SLC5A12: variants seen among roughly 807,000 people sequenced by gnomAD.
SLC5A12 encodes sodium-coupled monocarboxylate transporter 2.
Under a neutral mutation model 72.7 loss-of-function variants are expected in SLC5A12, and 46 were observed. The ratio of observed to expected loss-of-function variants is 0.63; its 90% CI spans 0.50 to 0.81. The LOEUF (loss-of-function observed/expected upper bound fraction) is 0.81, where lower values mean the gene tolerates loss of function less well. Ranked by LOEUF, SLC5A12 falls within the 30% of genes least tolerant of loss-of-function variation. The pLI, the probability that SLC5A12 is intolerant of heterozygous loss-of-function variation, is 0.00. For missense variants in SLC5A12, 683 were observed against 740.7 expected, an observed-to-expected ratio of 0.92 and a Z score of 0.90; for synonymous variants, 275 against 264.4, an observed-to-expected ratio of 1.04 and a Z score of -0.39.
chr11:26,674,495 G>A (rs867959768), intron 13 of SLC5A12, among the ~76,000 whole-genome samples: 2 of 152,200 alleles, frequency 1.3e-5, no homozygotes, highest in South Asian at 2.1e-4. Flanking sequence ...CGTCTCCCGG[G>A]TTCAAGTGAT....
At chr11:26,681,030 A>C in intron 12 of SLC5A12, 25 bp downstream of exon 12, 1 of 1,559,446 alleles carries the variant, frequency 6.4e-7, no homozygotes, top group Non-Finnish European at 8.7e-7. Context: ...TCTGGGACTT[A>C]GCACCATCTA....
chr11:26,691,814 T>C (rs1156657870), intron 9 of SLC5A12: 1 of 152,222 alleles, frequency 6.6e-6, no homozygotes, highest in Non-Finnish European at 1.5e-5. Context: ...AGTATAAACA[T>C]AATATGCAAT....
At chr11:26,675,434 C>T (rs1038327075) in intron 13 of SLC5A12, among the ~76,000 whole-genome samples, 3 of 152,128 alleles carry the variant, frequency 2.0e-5, no homozygotes, top group Non-Finnish European at 2.9e-5. Flanking sequence ...GTGGATTTAT[C>T]ATCTCTTTCA....
At chr11:26,681,290 G>GCCC in intron 11 of SLC5A12, 69 bp from the exon 12 acceptor site, 7 of 1,320,074 alleles carry the variant, frequency 5.3e-6, no homozygotes, top group African/African-American at 1.5e-5. Flanking sequence ...AATGAGATGA[G>GCCC]GAGTTCTATG....
rs761931641 is a variant in SLC5A12 at position 26,671,218 on chromosome 11, CCT to C, written c.1739_1740del (p.Gln580ArgfsTer3). The C allele has an allele frequency of 3.7e-6, 6 of 1,605,682 alleles. No individual in the cohort carries two copies. The highest frequency in any genetic ancestry group is 4.5e-5 in the East Asian group (2 of 44,162). ...CCGTTCTGTAAGACAGATTCAGCCC[CCT>C]GTTTCCGGGCACTGCCATTCTCAAG... Reference protein sequence around the residue: ...ENLENGSARKQGAESVLQNGL... With the variant: ...ENLENGSARKXGAESVLQNGL... On this transcript the variant is annotated frameshift_variant, in exon 15 of 15. Transcript: ENST00000396005. LOFTEE classifies it low-confidence loss of function (END_TRUNC).
At position 26,709,390 on chromosome 11, in the gene SLC5A12, A is replaced by G; in HGVS notation, c.458-11T>C. ...GATCAAACCCAGTCACTAGGAAAGA[A>G]GAAAAAAATATTAAAAGAAGTTTCC... On this transcript the variant is annotated splice_polypyrimidine_tract_variant and intron_variant, in intron 3 of 14. Transcript: ENST00000396005. 3 of 1,598,934 alleles carry G rather than the reference A, an allele frequency of 1.9e-6. No homozygotes were observed. The highest frequency in any genetic ancestry group is 2.6e-6 in the Non-Finnish European group (3 of 1,171,946).
At chr11:26,686,436 G>T (rs750161873) in intron 10 of SLC5A12, 41 bp downstream of exon 10, 85 of 1,590,628 alleles carry the variant, frequency 5.3e-5, no homozygotes, top group Non-Finnish European at 6.9e-5. Flanking sequence ...GTGGGGGGAA[G>T]TTCCAGTGAA....
intron 1 of SLC5A12, among the ~76,000 whole-genome samples, chr11:26,719,198 C>T (rs1341278397): frequency 2.0e-5 from 3 of 152,112 alleles, no homozygotes; most frequent in African/African-American, 7.2e-5. Flanking sequence ...GTTTTTATTT[C>T]ATTTAATTTC....
chr11:26,675,981 GTA>G (rs1854256890), intron 13 of SLC5A12, among the ~76,000 whole-genome samples: 1 of 151,774 alleles, frequency 6.6e-6, no homozygotes, highest in South Asian at 2.1e-4. Flanking sequence ...GTGTGTGTGT[GTA>G]TGTACCTCTG....
intron 1 of SLC5A12, among the ~76,000 whole-genome samples, chr11:26,718,562 C>T (rs758987691): frequency 6.6e-6 from 1 of 152,062 alleles, no homozygotes; most frequent in African/African-American, 2.4e-5. Context: ...AAGTGATTCT[C>T]GTGCCTCAGC....
At chr11:26,678,576 G>T (rs1289069652) in intron 13 of SLC5A12, 136 bp downstream of exon 13, 3 of 640,526 alleles carry the variant, frequency 4.7e-6, no homozygotes, top group African/African-American at 3.7e-5. Context: ...TCAGCGTTGA[G>T]AGAGTAGACA....
intron 1 of SLC5A12, among the ~76,000 whole-genome samples, chr11:26,713,801 A>G (rs1341985012): frequency 7.9e-5 from 12 of 152,268 alleles, no homozygotes; most frequent in Admixed American, 5.2e-4. Flanking sequence ...TTAAAAATCA[A>G]TTTCACTGGG....
intron 4 of SLC5A12, among the ~76,000 whole-genome samples, chr11:26,707,808 T>G (rs1323255979): frequency 6.6e-6 from 1 of 152,076 alleles, no homozygotes; most frequent in Non-Finnish European, 1.5e-5. Flanking sequence ...TATGATATTT[T>G]GTTAAAGTTA....
At chr11:26,674,522 C>T (rs868258772) in intron 13 of SLC5A12, among the ~76,000 whole-genome samples, 1 of 152,112 alleles carries the variant, frequency 6.6e-6, no homozygotes, top group Non-Finnish European at 1.5e-5. Flanking sequence ...GCCTCAGCCT[C>T]TGGAGTAGCT....
At chr11:26,685,981 A>G (rs1275244095) in intron 10 of SLC5A12, among the ~76,000 whole-genome samples, 1 of 152,202 alleles carries the variant, frequency 6.6e-6, no homozygotes, top group Admixed American at 6.6e-5. Context: ...TAACTTTGAG[A>G]CAGTTACTTC....
In SLC5A12 at chr11:26,669,301, T is replaced by C. The variant is rs1046784132; in HGVS notation, c.*1801A>G. The C allele has an allele frequency of 6.7e-6, 1 of 150,140 alleles. No homozygotes were observed. The highest frequency in any genetic ancestry group is 6.7e-5 in the Admixed American group (1 of 14,990). 9.3% of individuals were successfully genotyped at this position (150,140 alleles called of 1,614,324 possible). A position where few individuals can be genotyped will look rare whatever the true frequency, so the allele number is the denominator to read the frequency against. ...ACTAGTTTTGGCTCAGATTTCAATA[T>C]TCACAAAATATATATTCTAATTAAT... On this transcript the variant is annotated 3_prime_UTR_variant, in exon 15 of 15. Transcript: ENST00000396005.
chr11:26,703,820 G>T lies in SLC5A12; in HGVS notation c.653C>A (p.Thr218Lys). 1 of 1,613,892 alleles carries T rather than the reference G, an allele frequency of 6.2e-7. No individual in the cohort carries two copies. Among genetic ancestry groups the T allele is most frequent in the Non-Finnish European group, 8.5e-7 (1 of 1,179,854 alleles). The change falls in exon 5 of 15, where the codon ACA (threonine) becomes AAA (lysine). Residue 218 changes from threonine (T) to lysine (K), a missense_variant. Thr to Lys is a moderately conservative substitution (Grantham distance 78, BLOSUM62 -1). Transcript: ENST00000396005. ...GGFHNVLEQS[T>K]NGSRLHIFDF... Reference sequence around the variant, plus strand: ...AAATATATGTAGTCGAGATCCATTTGTTGATTGCTCTAATACATTGTGGAA... The same window carrying T: ...AAATATATGTAGTCGAGATCCATTTTTTGATTGCTCTAATACATTGTGGAA...
chr11:26,713,965 C>T (rs1050050204), intron 1 of SLC5A12, among the ~76,000 whole-genome samples: 1 of 152,016 alleles, frequency 6.6e-6, no homozygotes, highest in African/African-American at 2.4e-5. Context: ...TTTTCTTTTG[C>T]CTGTCAAATT....
intron 9 of SLC5A12, among the ~76,000 whole-genome samples, chr11:26,690,359 C>A (rs1313665609): frequency 6.6e-6 from 1 of 151,818 alleles, no homozygotes. Flanking sequence ...TAATATAAAA[C>A]AAGATGGTAC....
Sources: allele counts gnomAD v4.1 joint callset (sites outside exome capture counted in the v4.1 genomes callset), GRCh38; gene constraint gnomAD v4.1.1; transcripts MANE v1.5; gene names NCBI Gene and HGNC (gene_info 2026-07-23, HGNC 2026-07-21).